Variants in INSR observed in about 807,000 individuals in gnomAD.
The protein encoded by INSR is IR.
Under a neutral mutation model 142.6 loss-of-function variants are expected in INSR, and 67 were observed. The observed-to-expected ratio is 0.47, with a 90% confidence interval of 0.39 to 0.58. The LOEUF (loss-of-function observed/expected upper bound fraction) is 0.58. Ranked by LOEUF, INSR falls within the 20% of genes least tolerant of loss-of-function variation. The pLI, the probability that INSR is intolerant of heterozygous loss-of-function variation, is 0.00. For synonymous variants in INSR, 756 were observed against 743.1 expected (o/e 1.02, Z -0.28); for missense variants, 1,248 against 1,833.2 (o/e 0.68, Z 5.83).
intron 2 of INSR, among the ~76,000 whole-genome samples, chr19:7,222,964 C>G (rs1445449027): frequency 6.6e-6 from 1 of 152,152 alleles, no homozygotes; most frequent in Non-Finnish European, 1.5e-5. Context: ...GGGCGGATCA[C>G]CTGAGGTCAG....
At chr19:7,142,279 A>G (rs1160022361) in intron 12 of INSR, among the ~76,000 whole-genome samples, 1 of 149,148 alleles carries the variant, frequency 6.7e-6, no homozygotes, top group Non-Finnish European at 1.5e-5. Context: ...AGTCCCAGCT[A>G]CTCAGGAGGC....
In INSR at chr19:7,119,933, T is replaced by A. The variant is rs560507679; in HGVS notation, c.3660-350A>T. Among the ~76,000 whole-genome samples, 1 of 152,102 alleles carries A rather than the reference T, an allele frequency of 6.6e-6. No individual in the cohort carries two copies. Among genetic ancestry groups the A allele is most frequent in the South Asian group, 2.1e-4 (1 of 4,814 alleles). On this transcript the variant is annotated intron_variant, in intron 20 of 21. Coordinates refer to ENST00000302850, the MANE Select transcript of INSR (RefSeq NM_000208.4). The surrounding 1 kb of genome is among the most constrained non-coding windows in gnomAD (Gnocchi z 5.2). ...ACACACACACAAACACATCTCTTGG[T>A]TTCTAGAACATGGTTAGCCACTTAA...
intron 2 of INSR, among the ~76,000 whole-genome samples, chr19:7,226,771 A>T (rs1600059303): frequency 6.6e-6 from 1 of 150,628 alleles, no homozygotes; most frequent in African/African-American, 2.4e-5. Flanking sequence ...TGAATCCTAG[A>T]AACAGCCCAA....
At chr19:7,234,652 G>A (rs1286044129) in intron 2 of INSR, among the ~76,000 whole-genome samples, 1 of 152,202 alleles carries the variant, frequency 6.6e-6, no homozygotes, top group Non-Finnish European at 1.5e-5. Context: ...AGGAGAAAAT[G>A]AAAATGGGAG....
intron 8 of INSR, among the ~76,000 whole-genome samples, chr19:7,163,507 C>T (rs946844370): frequency 1.1e-4 from 16 of 151,658 alleles, no homozygotes; most frequent in Non-Finnish European, 8.8e-5. Context: ...TTGCAGTGAG[C>T]CGAGATTGCG....
intron 1 of INSR, among the ~76,000 whole-genome samples, chr19:7,278,517 C>T (rs530707156): frequency 6.6e-6 from 1 of 152,306 alleles, no homozygotes; most frequent in African/African-American, 2.4e-5. Flanking sequence ...CATGGACCCA[C>T]CAGGGAGGAT....
At chr19:7,293,390 G>A (rs569125554) in intron 1 of INSR, among the ~76,000 whole-genome samples, 1 of 152,166 alleles carries the variant, frequency 6.6e-6, no homozygotes, top group Non-Finnish European at 1.5e-5. Flanking sequence ...TGCGCTCGGG[G>A]GACTTGGCTG....
chr19:7,144,701 GCT>G (rs1599899675), intron 11 of INSR, among the ~76,000 whole-genome samples: 1 of 146,314 alleles, frequency 6.8e-6, no homozygotes, highest in African/African-American at 2.5e-5. Context: ...ACCGCACATG[GCT>G]CTTTTTTTTT....
At chr19:7,285,063 C>T in intron 1 of INSR, among the ~76,000 whole-genome samples, 1 of 152,066 alleles carries the variant, frequency 6.6e-6, no homozygotes, top group East Asian at 1.9e-4. Context: ...GCCTGTAATC[C>T]CAGTACTTTA....
At chr19:7,244,948 T>C (rs1360055091) in intron 2 of INSR, among the ~76,000 whole-genome samples, 1 of 130,614 alleles carries the variant, frequency 7.7e-6, no homozygotes, top group Admixed American at 7.1e-5. Context: ...TTTTTTTTTT[T>C]TTTTCAAGAT....
intron 1 of INSR, among the ~76,000 whole-genome samples, chr19:7,279,322 G>T (rs1968143906): frequency 6.6e-6 from 1 of 151,472 alleles, no homozygotes; most frequent in African/African-American, 2.4e-5. Context: ...AAATAAAAAA[G>T]AAAGAGAGAA....
At chr19:7,277,613 C>A (rs1968099670) in intron 1 of INSR, among the ~76,000 whole-genome samples, 1 of 152,006 alleles carries the variant, frequency 6.6e-6, no homozygotes, top group Admixed American at 6.6e-5. Flanking sequence ...GCCTGGGCAA[C>A]TGGCAAAACC....
intron 10 of INSR, 83 bp downstream of exon 10, chr19:7,152,643 A>C (rs1599912436): frequency 8.8e-7 from 1 of 1,133,934 alleles, no homozygotes; most frequent in African/African-American, 1.5e-5. Context: ...GGGTCCCACT[A>C]CCTCTCGGTC....
chr19:7,131,182 G>C (rs1297200966), intron 14 of INSR, among the ~76,000 whole-genome samples: 1 of 149,290 alleles, frequency 6.7e-6, no homozygotes, highest in African/African-American at 2.5e-5. Context: ...GCCCGGCCAG[G>C]TATTTCTTTA....
intron 2 of INSR, among the ~76,000 whole-genome samples, chr19:7,264,334 AAAACAAAC>A (rs745476658): frequency 1.8e-4 from 27 of 152,126 alleles, no homozygotes; most frequent in Non-Finnish European, 3.2e-4. Flanking sequence ...CTCTGTCTCA[AAAACAAAC>A]AAACAAACAA....
chr19:7,193,117 TTC>T (rs1974644520), intron 2 of INSR, among the ~76,000 whole-genome samples: 2 of 151,642 alleles, frequency 1.3e-5, no homozygotes, highest in African/African-American at 4.8e-5. Flanking sequence ...TTTCTTTTTT[TTC>T]TTTTTTTTTT....
intron 2 of INSR, among the ~76,000 whole-genome samples, chr19:7,197,405 G>C (rs1326415935): frequency 1.3e-5 from 2 of 152,218 alleles, no homozygotes; most frequent in African/African-American, 4.8e-5. Context: ...TCCATGCTGC[G>C]GATCTCTTAG....
At chr19:7,211,363 G>A (rs926769225) in intron 2 of INSR, among the ~76,000 whole-genome samples, 1 of 152,148 alleles carries the variant, frequency 6.6e-6, no homozygotes, top group Non-Finnish European at 1.5e-5. Context: ...GAGGCACTGC[G>A]CTGTCTTATT....
chr19:7,293,884 G>T lies in INSR; in HGVS notation c.8C>A (p.Thr3Asn). The T allele has an allele frequency of 8.1e-7, 1 of 1,232,524 alleles. No individual in the cohort carries two copies. The highest frequency in any genetic ancestry group is 1.0e-6 in the Non-Finnish European group (1 of 993,334). 76.3% of individuals were successfully genotyped at this position (1,232,524 alleles called of 1,614,324 possible). A position where few individuals can be genotyped will look rare whatever the true frequency, so the allele number is the denominator to read the frequency against. The change falls in exon 1 of 22, where the codon ACC becomes AAC. Residue 3 changes from threonine to asparagine, a missense_variant. By Grantham distance (65) the Thr-to-Asn change is moderately conservative. Around this residue, in one of 3 missense-constraint regions of INSR, gnomAD observed 57 missense variants for 49.5 expected, o/e 1.15. Coordinates refer to ENST00000302850, the MANE Select transcript of INSR (RefSeq NM_000208.4). ...GGCCGCCGCCCCCCGCCGGCCCCCGGTGGCCATGGCTGCGGGAGCGCGGGG... is the reference window on the plus strand; with the variant it reads ...GGCCGCCGCCCCCCGCCGGCCCCCGTTGGCCATGGCTGCGGGAGCGCGGGG... MA[T>N]GGRRGAAAAP... is the part of the protein sequence containing the mutation.
Sources: gnomAD v4.1 joint callset for allele counts (sites outside exome capture counted in the v4.1 genomes callset) on GRCh38, gnomAD v4.1.1 for gene constraint, gnomAD v4.1.1 regional missense constraint, Gnocchi (gnomAD v3.1) non-coding constraint, MANE v1.5 for transcripts, NCBI Gene and HGNC (gene_info 2026-07-23, HGNC 2026-07-21) for gene names.